FNBP1L: variants seen among roughly 807,000 people sequenced by gnomAD.
The protein encoded by FNBP1L is formin binding protein 1 like.
Under a neutral mutation model 91.2 loss-of-function variants are expected in FNBP1L, and 36 were observed. The observed-to-expected ratio is 0.39, with a 90% confidence interval of 0.30 to 0.52. The LOEUF (loss-of-function observed/expected upper bound fraction) is 0.52. Ranked by LOEUF, FNBP1L falls within the 20% of genes least tolerant of loss-of-function variation. The probability of loss-of-function intolerance (pLI) is 0.66; values close to 1 mark genes in which losing one functional copy is unlikely to be tolerated. For missense variants in FNBP1L, 571 were observed against 732.1 expected (o/e 0.78, Z 2.54); for synonymous variants, 242 against 237.0 (o/e 1.02, Z -0.19).
At chr1:93,534,666 C>A in intron 8 of FNBP1L, 39 bp from the exon 9 acceptor site, 1 of 1,368,502 alleles carries the variant, frequency 7.3e-7, no homozygotes, top group Non-Finnish European at 1.0e-6. Flanking sequence ...GAATTATGAG[C>A]AAGTGAAACA....
At chr1:93,543,638 T>C (rs1370067082) in intron 11 of FNBP1L, among the ~76,000 whole-genome samples, 2 of 152,218 alleles carry the variant, frequency 1.3e-5, no homozygotes, top group Non-Finnish European at 2.9e-5. Context: ...TATTTTCAGT[T>C]TGAACATTTG....
rs552306447 is a variant in FNBP1L, at chr1:93,476,042, A to G, written c.25-23426A>G. Among the ~76,000 whole-genome samples the G allele has an allele frequency of 1.9e-3, 289 of 152,268 alleles. 1 individual carries two copies. The highest frequency in any genetic ancestry group is 5.4e-3 in the South Asian group (26 of 4,820). On this transcript the variant is annotated intron_variant, in intron 1 of 16. Transcript: ENST00000271234. ...GCAGGTACAAGGTCTGCAAGTAGCA[A>G]TATGTTTATATTTTCCTTTTGCAAT...
Position 93,532,910 on chromosome 1 carries a change from CTTGA to C in FNBP1L, c.640-9_640-6del. ...TCAGTTTTCTCTTTTTAAAAAAATT[CTTGA>C]TTATTAGCAACTACAAGAAATGGAC... On this transcript the variant is annotated splice_region_variant and splice_polypyrimidine_tract_variant and intron_variant, in intron 7 of 16. Coordinates refer to ENST00000271234, the MANE Select transcript of FNBP1L (RefSeq NM_001164473.3). 1.3e-6 allele frequency: 2 copies of C among 1,576,648 alleles called. No individual in the cohort carries two copies. Among genetic ancestry groups the C allele is most frequent in the African/African-American group, 1.4e-5 (1 of 73,580 alleles).
chr1:93,505,332 G>T (rs377188533), intron 2 of FNBP1L, among the ~76,000 whole-genome samples: 6 of 152,010 alleles, frequency 3.9e-5, no homozygotes, highest in Non-Finnish European at 7.4e-5. Context: ...AGAGTACACC[G>T]AACAAAGGAG....
At chr1:93,513,135 A>G (rs1337475094) in intron 2 of FNBP1L, among the ~76,000 whole-genome samples, 2 of 152,212 alleles carry the variant, frequency 1.3e-5, no homozygotes, top group Non-Finnish European at 2.9e-5. Flanking sequence ...AGAACACTAC[A>G]AATACCTCTA....
chr1:93,499,560 A>G lies in FNBP1L; in HGVS notation c.117A>G (p.Glu39=). Residue 39 remains glutamate, a synonymous_variant, in exon 2 of 17, where the codon GAA becomes GAG. Transcript: ENST00000271234. ...AKFVKERIEI[E]QNYAKQLRNL... ...TTGTTAAAGAGAGGATAGAAATTGA[A>G]CAGAACTATGCGAAACAATTGAGGT... 1 of 1,597,494 alleles carries G rather than the reference A, an allele frequency of 6.3e-7. No homozygotes were observed. The highest frequency in any genetic ancestry group is 1.1e-5 in the South Asian group (1 of 87,576).
intron 1 of FNBP1L, among the ~76,000 whole-genome samples, chr1:93,465,500 A>G (rs1227721282): frequency 6.6e-6 from 1 of 152,120 alleles, no homozygotes; most frequent in Non-Finnish European, 1.5e-5. Context: ...GATGGTTTCC[A>G]GCTTCATCCA....
chr1:93,462,626 A>ACTAT (rs1043601366), intron 1 of FNBP1L, among the ~76,000 whole-genome samples: 1 of 152,144 alleles, frequency 6.6e-6, no homozygotes, highest in Non-Finnish European at 1.5e-5. Context: ...ATTGTAGGAT[A>ACTAT]CCCCTCTATT....
At chr1:93,453,290 AT>A (rs894396623) in intron 1 of FNBP1L, among the ~76,000 whole-genome samples, 2 of 152,166 alleles carry the variant, frequency 1.3e-5, no homozygotes, top group African/African-American at 4.8e-5. Context: ...ATATCTGTTT[AT>A]GTCACCATTC....
chr1:93,450,114 G>T (rs1308018788), intron 1 of FNBP1L, among the ~76,000 whole-genome samples: 1 of 151,816 alleles, frequency 6.6e-6, no homozygotes, highest in African/African-American at 2.4e-5. Context: ...TCACACTAAA[G>T]AATAACAGTT....
In FNBP1L at chr1:93,523,256, T is replaced by C. The variant is rs1201558323; in HGVS notation, c.195-88T>C. 5 of 1,328,514 alleles carry C rather than the reference T, an allele frequency of 3.8e-6. No individual in the cohort carries two copies. The East Asian group carries it at 1.4e-4, about 36-fold the overall frequency. The allele number at this position is 1,328,514 out of a possible 1,614,324, so 82.3% of individuals were successfully genotyped here. A position where few individuals can be genotyped will look rare whatever the true frequency, so the allele number is the denominator to read the frequency against. On this transcript the variant is annotated intron_variant, in intron 3 of 16. Transcript: ENST00000271234. ...AGATTTAGGTTGAATATGCTAAAAT[T>C]TGCGAAATGTTAGATTCAGTCCATA... is the stretch of plus-strand genomic sequence containing the variant.
chr1:93,462,845 C>T (rs1668920136), intron 1 of FNBP1L, among the ~76,000 whole-genome samples: 1 of 151,828 alleles, frequency 6.6e-6, no homozygotes, highest in Admixed American at 6.6e-5. Context: ...CTATACTGTA[C>T]TCTGGAAGGA....
intron 2 of FNBP1L, among the ~76,000 whole-genome samples, chr1:93,506,141 T>C (rs1390016000): frequency 1.3e-5 from 2 of 152,232 alleles, no homozygotes; most frequent in Non-Finnish European, 2.9e-5. Flanking sequence ...TAATTTTTTA[T>C]TGAGTTCAAG....
At chr1:93,477,765 A>C (rs1018904796) in intron 1 of FNBP1L, among the ~76,000 whole-genome samples, 1 of 152,258 alleles carries the variant, frequency 6.6e-6, no homozygotes. Flanking sequence ...TGAAAAATCC[A>C]TATTTCTATT....
At chr1:93,493,109 C>G (rs1235080853) in intron 1 of FNBP1L, among the ~76,000 whole-genome samples, 1 of 152,050 alleles carries the variant, frequency 6.6e-6, no homozygotes, top group Non-Finnish European at 1.5e-5. Context: ...ACTAAAAATA[C>G]AAAAATTAGC....
At chr1:93,538,281 T>C (rs146764910) in intron 10 of FNBP1L, among the ~76,000 whole-genome samples, 41 of 151,632 alleles carry the variant, frequency 2.7e-4, no homozygotes, top group African/African-American at 9.7e-4. Context: ...TTTGAATAAG[T>C]TTGTAGGTAG....
chr1:93,497,562 G>A (rs1570804378), intron 1 of FNBP1L, among the ~76,000 whole-genome samples: 1 of 152,058 alleles, frequency 6.6e-6, no homozygotes, highest in East Asian at 1.9e-4. Flanking sequence ...TGTTCAACTA[G>A]GAGTTTATAA....
intron 1 of FNBP1L, among the ~76,000 whole-genome samples, chr1:93,455,486 G>A (rs1006166655): frequency 6.6e-6 from 1 of 152,220 alleles, no homozygotes; most frequent in South Asian, 2.1e-4. Flanking sequence ...ACTGTGCCTG[G>A]CTCTATGCCA....
intron 2 of FNBP1L, 81 bp from the exon 3 acceptor site, chr1:93,522,001 A>T: frequency 1.2e-6 from 1 of 808,926 alleles, no homozygotes. Flanking sequence ...TCATGATTGA[A>T]TGAAATTGAA....
Sources: allele counts gnomAD v4.1 joint callset (sites outside exome capture counted in the v4.1 genomes callset), GRCh38; gene constraint gnomAD v4.1.1; transcripts MANE v1.5; gene names NCBI Gene and HGNC (gene_info 2026-07-23, HGNC 2026-07-21).